PMS2: variants seen among roughly 807,000 people sequenced by gnomAD.
PMS2 encodes the protein PMS1 homolog 2, mismatch repair system component.
In PMS2, 69 loss-of-function variants were observed where a neutral mutation model predicts 90.0. The observed-to-expected ratio is 0.77, with a 90% CI of 0.63 to 0.94. The LOEUF (loss-of-function observed/expected upper bound fraction) is 0.94. Among genes scored for constraint, PMS2 ranks in the 40% least tolerant of loss-of-function variants. PMS2 has a pLI of 0.00. For missense variants in PMS2, 966 were observed against 1,040.2 expected (o/e 0.93, Z 0.98); for synonymous variants, 332 against 375.1 (o/e 0.89, Z 1.33).
At chr7:5,990,127 G>T (rs1189480180) in intron 9 of PMS2, among the ~76,000 whole-genome samples, 172 bp from the exon 10 acceptor site, 1 of 152,154 alleles carries the variant, frequency 6.6e-6, no homozygotes, top group East Asian at 1.9e-4. Context: ...CCCTGCCTCA[G>T]CCTCCGAAGT....
chr7:5,994,153 C>G (rs1038808237), intron 8 of PMS2, among the ~76,000 whole-genome samples: 67 of 151,486 alleles, frequency 4.4e-4, no homozygotes, highest in African/African-American at 1.5e-3. Context: ...GAGGCCAAGG[C>G]AGGCAGATCA....
rs786201615 is a variant in PMS2 at position 5,995,552 on chromosome 7, C to A, written c.885G>T (p.Arg295=). The part of the protein sequence containing the change: ...TDRQFFFINR[R]PCDPAKVCRL... ...TAAATACCTTTGCTGGGTCACAAGG[C>A]CGCCGGTTGATAAAGAAAAACTGTC... The change falls in exon 8 of 15, where the codon CGG becomes CGT. Residue 295 remains arginine (R), a synonymous_variant. Coordinates refer to ENST00000265849, the MANE Select transcript of PMS2 (RefSeq NM_000535.7). 1 of 1,613,518 alleles carries A rather than the reference C, an allele frequency of 6.2e-7. No homozygotes were observed. The highest frequency in any genetic ancestry group is 8.5e-7 in the Non-Finnish European group (1 of 1,179,450).
chr7:5,980,822 T>C (rs1782207087), intron 12 of PMS2, among the ~76,000 whole-genome samples: 1 of 147,656 alleles, frequency 6.8e-6, no homozygotes, highest in Non-Finnish European at 1.5e-5. Context: ...AGTAGCTTAC[T>C]AAATGTCTAT....
Position 5,997,425 on chromosome 7 carries a change from T to TG in PMS2, c.706-3dup, listed in dbSNP as rs1436961952. 2.1e-6 allele frequency: 3 copies of TG among 1,424,100 alleles called. No homozygotes were observed. The highest frequency in any genetic ancestry group is 1.2e-5 in the South Asian group (1 of 81,588). The allele number at this position is 1,424,100 out of a possible 1,614,324, so 88.2% of individuals were successfully genotyped here. A position where few individuals can be genotyped will look rare whatever the true frequency, so the allele number is the denominator to read the frequency against. Reference sequence around the variant, plus strand: ...AACAAAAGGAATGAGGCTTTGCAACTGAAAAAAAAAAAAAAAAATTCACAG... The same window carrying TG: ...AACAAAAGGAATGAGGCTTTGCAACTGGAAAAAAAAAAAAAAAAATTCACAG... On this transcript the variant is annotated splice_region_variant and splice_polypyrimidine_tract_variant and intron_variant, in intron 6 of 14. Transcript: ENST00000265849.
intron 10 of PMS2, among the ~76,000 whole-genome samples, chr7:5,988,983 G>A (rs577779232): frequency 6.6e-6 from 1 of 152,054 alleles, no homozygotes; most frequent in East Asian, 1.9e-4. Context: ...AGCCTCCTGA[G>A]TAGCTGGGAC....
At chr7:5,997,578 T>C (rs1784569798) in intron 6 of PMS2, among the ~76,000 whole-genome samples, 155 bp from the exon 7 acceptor site, 2 of 152,138 alleles carry the variant, frequency 1.3e-5, no homozygotes, top group South Asian at 4.1e-4. Context: ...AGGGTCTCCC[T>C]CTATTGCCCA....
intron 1 of PMS2, among the ~76,000 whole-genome samples, chr7:6,007,987 G>T (rs1410042047): frequency 6.6e-6 from 1 of 151,650 alleles, no homozygotes; most frequent in Admixed American, 6.6e-5. Flanking sequence ...AGCCTCCAAA[G>T]TAGCTAGGAT....
intron 11 of PMS2, 145 bp downstream of exon 11, chr7:5,986,613 AC>A: frequency 1.8e-6 from 1 of 557,810 alleles, no homozygotes; most frequent in Non-Finnish European, 3.1e-6. Flanking sequence ...AAACGCTTGA[AC>A]CCGGGAGGTG....
intron 5 of PMS2, among the ~76,000 whole-genome samples, chr7:6,000,117 G>A (rs540742320): frequency 5.5e-4 from 83 of 152,112 alleles, no homozygotes; most frequent in African/African-American, 1.9e-3. Context: ...GTTCACACCT[G>A]TAATCCCAGC....
chr7:5,984,943 A>G (rs1782696871), intron 11 of PMS2, among the ~76,000 whole-genome samples: 1 of 151,844 alleles, frequency 6.6e-6, no homozygotes, highest in African/African-American at 2.4e-5. Context: ...CTGAGCCCAC[A>G]TTTCCTATGG....
chr7:6,003,855 G>A, intron 3 of PMS2, 63 bp from the exon 4 acceptor site: 2 of 1,265,432 alleles, frequency 1.6e-6, no homozygotes, highest in Non-Finnish European at 2.3e-6. Flanking sequence ...AAATATACAT[G>A]ATATCTAGTA....
intron 7 of PMS2, among the ~76,000 whole-genome samples, chr7:5,996,455 T>G (rs1219737996): frequency 6.6e-6 from 1 of 151,630 alleles, no homozygotes; most frequent in African/African-American, 2.4e-5. Flanking sequence ...CTCGGAAGGC[T>G]GAGGCAGGAG....
At chr7:5,984,005 A>C (rs1241158275) in intron 11 of PMS2, among the ~76,000 whole-genome samples, 3 of 151,896 alleles carry the variant, frequency 2.0e-5, no homozygotes, top group African/African-American at 7.3e-5. Flanking sequence ...ATGTACCATA[A>C]TTTGTCTGAC....
chr7:6,004,957 T>G (rs1478287814), intron 2 of PMS2, among the ~76,000 whole-genome samples: 1 of 152,104 alleles, frequency 6.6e-6, no homozygotes, highest in Non-Finnish European at 1.5e-5. Flanking sequence ...CAGGCTGGAG[T>G]GCAGTGGTAC....
At chr7:5,994,953 G>T (rs758509373) in intron 8 of PMS2, among the ~76,000 whole-genome samples, 1 of 151,748 alleles carries the variant, frequency 6.6e-6, no homozygotes, top group Non-Finnish European at 1.5e-5. Context: ...ATACTATACC[G>T]AAAAACAATG....
At position 5,987,539 on chromosome 7, in the gene PMS2, C is replaced by T. The variant is rs1554298002; in HGVS notation, c.1226G>A (p.Gly409Glu). ...KQDQSPSLRTGEEKKDVSISR... is the reference protein window; with the variant it reads ...KQDQSPSLRTEEEKKDVSISR... ...AATGGACACGTCTTTTTTTTCTTCT[C>T]CAGTCCTTAATGAAGGGGATTGATC... is the stretch of plus-strand genomic sequence containing the variant. Residue 409 changes from glycine (G) to glutamate (E), a missense_variant, in exon 11 of 15, where the codon GGA becomes GAA. Physicochemically the swap from Gly to Glu is moderately conservative, Grantham distance 98 (BLOSUM62 -2). Transcript: ENST00000265849. The T allele has an allele frequency of 6.2e-7, 1 of 1,613,948 alleles. No individual in the cohort carries two copies. Among genetic ancestry groups the T allele is most frequent in the Non-Finnish European group, 8.5e-7 (1 of 1,179,966 alleles).
rs876659736 is a variant in PMS2, at chr7:5,995,612, T to C, written c.825A>G (p.Gln275=). ...NLFYISGFIS[Q]CTHGVGRSST... ...AACTCCTTCCAACTCCATGCGTGCA[T>C]TGTGAAATGAAACCTGAGATGCTAT... The change falls in exon 8 of 15, where the codon CAA becomes CAG. Residue 275 remains glutamine (Q), a synonymous_variant. Transcript: ENST00000265849. 3 of 1,613,138 alleles carry C rather than the reference T, an allele frequency of 1.9e-6. No individual in the cohort carries two copies. The highest frequency in any genetic ancestry group is 4.5e-5 in the East Asian group (2 of 44,878).
At chr7:5,983,074 A>G (rs1159697099) in intron 11 of PMS2, 83 bp from the exon 12 acceptor site, 9 of 1,564,662 alleles carry the variant, frequency 5.8e-6, no homozygotes, top group Non-Finnish European at 3.5e-6. Context: ...ATAAAAAAAA[A>G]GTCAAACAAT....
chr7:6,008,766 C>G (rs1259698733), intron 1 of PMS2, among the ~76,000 whole-genome samples: 1 of 152,200 alleles, frequency 6.6e-6, no homozygotes, highest in Non-Finnish European at 1.5e-5. Flanking sequence ...CTCACAGGGC[C>G]GAATCCTTTG....
Sources: gnomAD v4.1 joint callset for allele counts (sites outside exome capture counted in the v4.1 genomes callset) on GRCh38, gnomAD v4.1.1 for gene constraint, MANE v1.5 for transcripts, NCBI Gene and HGNC (gene_info 2026-07-23, HGNC 2026-07-21) for gene names.